FAM135B: variants seen among roughly 807,000 people sequenced by gnomAD.
FAM135B encodes the protein family with sequence similarity 135 member B.
A neutral mutation model predicts 127.7 loss-of-function variants in FAM135B; 43 were observed. The ratio of observed to expected loss-of-function variants is 0.34; its 90% CI spans 0.26 to 0.43. The LOEUF (loss-of-function observed/expected upper bound fraction) is 0.43. Among genes scored for constraint, FAM135B ranks in the 20% least tolerant of loss-of-function variants. The probability of loss-of-function intolerance (pLI) is 1.00; values close to 1 mark genes in which losing one functional copy is unlikely to be tolerated. For missense variants in FAM135B, 1,558 were observed against 1,725.6 expected, an observed-to-expected ratio of 0.90 and a Z score of 1.72; for synonymous variants, 670 against 665.1, an observed-to-expected ratio of 1.01 and a Z score of -0.11.
chr8:138,154,177 A>G (rs1818464294), intron 12 of FAM135B, among the ~76,000 whole-genome samples: 1 of 152,192 alleles, frequency 6.6e-6, no homozygotes, highest in Admixed American at 6.5e-5. Flanking sequence ...GGCAAACAGG[A>G]TCTGGAGTGG....
At chr8:138,236,642 A>C (rs1820297775) in intron 7 of FAM135B, among the ~76,000 whole-genome samples, 1 of 152,222 alleles carries the variant, frequency 6.6e-6, no homozygotes, top group South Asian at 2.1e-4. Context: ...CTTCATTTGT[A>C]AAAGGAAGTA....
At chr8:138,268,909 T>G (rs1823157263) in intron 3 of FAM135B, among the ~76,000 whole-genome samples, 1 of 152,108 alleles carries the variant, frequency 6.6e-6, no homozygotes, top group Admixed American at 6.6e-5. Context: ...TCAGCCTTGG[T>G]ACCACGCATA....
At chr8:138,231,274 A>G (rs1030097766) in intron 7 of FAM135B, among the ~76,000 whole-genome samples, 3 of 151,834 alleles carry the variant, frequency 2.0e-5, no homozygotes, top group East Asian at 1.9e-4. Flanking sequence ...GCCTACCTCA[A>G]CCTCCCAAAG....
chr8:138,138,271 G>C (rs1158910875), intron 18 of FAM135B, among the ~76,000 whole-genome samples: 1 of 152,206 alleles, frequency 6.6e-6, no homozygotes, highest in Non-Finnish European at 1.5e-5. Flanking sequence ...ACTCAGCCAG[G>C]CTCACAGATG....
chr8:138,480,975 G>GTTT (rs1369827053), intron 1 of FAM135B, among the ~76,000 whole-genome samples: 1 of 152,208 alleles, frequency 6.6e-6, no homozygotes, highest in Non-Finnish European at 1.5e-5. Context: ...GAAAACCCTT[G>GTTT]TCTGTTGAAT....
At position 138,132,855 on chromosome 8, in the gene FAM135B, G is replaced by C. The variant is rs2130492572; in HGVS notation, c.4016-57C>G. On this transcript the variant is annotated intron_variant, in intron 19 of 19. Transcript: ENST00000395297. This position sits in a 1 kb window ranked among gnomAD's most constrained non-coding sequence, Gnocchi z 4.5. ...GTGCAGAAATTAGCAGTGGAATCTA[G>C]AGAACATCACTAGATGTGTGTCGAA... The C allele has an allele frequency of 1.3e-6, 2 of 1,510,394 alleles. No homozygotes were observed. The highest frequency in any genetic ancestry group is 9.2e-7 in the Non-Finnish European group (1 of 1,087,358). The allele number at this position is 1,510,394 out of a possible 1,614,324, so 93.6% of individuals were successfully genotyped here.
chr8:138,155,786 A>G (rs1266723697), intron 12 of FAM135B, among the ~76,000 whole-genome samples: 1 of 152,200 alleles, frequency 6.6e-6, no homozygotes, highest in East Asian at 1.9e-4. Context: ...GAGCACCCAG[A>G]TTCATAAAGC....
intron 2 of FAM135B, among the ~76,000 whole-genome samples, chr8:138,333,735 A>C (rs983892729): frequency 5.3e-5 from 8 of 152,202 alleles, no homozygotes; most frequent in Admixed American, 3.9e-4. Flanking sequence ...ATAAGATATT[A>C]ATTAACAATT....
At chr8:138,390,414 G>GC (rs1204358894) in intron 1 of FAM135B, among the ~76,000 whole-genome samples, 1 of 152,072 alleles carries the variant, frequency 6.6e-6, no homozygotes, top group African/African-American at 2.4e-5. Flanking sequence ...TGTAAGATGT[G>GC]CCTTTTGCCT....
rs186923774 is a variant in FAM135B, at chr8:138,167,935, C to T, written c.1218G>A (p.Pro406=). 86 of 1,613,758 alleles carry T rather than the reference C, an allele frequency of 5.3e-5. No individual in the cohort carries two copies. In the Middle Eastern group the frequency reaches 6.6e-4, roughly 12 times the overall value. Residue 406 remains proline (P), a synonymous_variant, in exon 12 of 20, where the codon CCG becomes CCA. Transcript: ENST00000395297. ...LDIDGDWNTL[P]VIFEDRYVDC... is the part of the protein sequence containing the mutation. ...CCACGTATCTGTCCTCAAAGATCAC[C>T]GGCAGGGTGTTCCAATCGCCGTCGA...
chr8:138,390,415 C>T (rs779347848), intron 1 of FAM135B, among the ~76,000 whole-genome samples: 11 of 152,084 alleles, frequency 7.2e-5, no homozygotes, highest in Non-Finnish European at 1.2e-4. Context: ...GTAAGATGTG[C>T]CTTTTGCCTT....
chr8:138,238,602 A>G (rs1820486951), intron 7 of FAM135B, among the ~76,000 whole-genome samples: 1 of 152,206 alleles, frequency 6.6e-6, no homozygotes, highest in South Asian at 2.1e-4. Context: ...TATTGCTATG[A>G]AAGTCCAGTT....
At chr8:138,188,825 T>G (rs1036306576) in intron 9 of FAM135B, among the ~76,000 whole-genome samples, 2 of 152,048 alleles carry the variant, frequency 1.3e-5, no homozygotes, top group Admixed American at 1.3e-4. Flanking sequence ...CAACCTAGCC[T>G]CCTCTCTCAG....
intron 1 of FAM135B, among the ~76,000 whole-genome samples, chr8:138,380,368 T>C (rs1458959807): frequency 2.0e-5 from 3 of 152,066 alleles, no homozygotes; most frequent in South Asian, 2.1e-4. Flanking sequence ...GGCTAGTTTT[T>C]ATATTAGTGG....
intron 1 of FAM135B, among the ~76,000 whole-genome samples, chr8:138,375,258 T>G (rs933545685): frequency 6.6e-6 from 1 of 151,980 alleles, no homozygotes; most frequent in Non-Finnish European, 1.5e-5. Context: ...GCTGATTGTT[T>G]TGTCAAAAAT....
At chr8:138,380,076 T>C (rs1450621240) in intron 1 of FAM135B, among the ~76,000 whole-genome samples, 2 of 152,228 alleles carry the variant, frequency 1.3e-5, no homozygotes, top group Non-Finnish European at 2.9e-5. Flanking sequence ...CCAATTCAAG[T>C]TGAATCACAT....
chr8:138,145,853 G>T, intron 15 of FAM135B, 106 bp downstream of exon 15: 2 of 628,158 alleles, frequency 3.2e-6, no homozygotes, highest in South Asian at 2.2e-5. Flanking sequence ...TCTTTTCAAG[G>T]TCTCCTCCTA....
intron 3 of FAM135B, among the ~76,000 whole-genome samples, chr8:138,285,561 AG>A (rs1180717171): frequency 6.6e-6 from 1 of 152,186 alleles, no homozygotes; most frequent in Non-Finnish European, 1.5e-5. Flanking sequence ...CAAAAAATCT[AG>A]CACAGTGCCC....
At position 138,317,679 on chromosome 8, in the gene FAM135B, A is replaced by T. The variant is rs188263013; in HGVS notation, c.78-6759T>A. Among the ~76,000 whole-genome samples, 6 of 152,366 alleles carry T rather than the reference A, an allele frequency of 3.9e-5. No homozygotes were observed. The East Asian group carries it at 9.6e-4, about 24-fold the overall frequency. ...TTGGAAAGGATAAGGCTCCATACCA[A>T]CTGGAGAAAACGCAAACGCCTACAG... On this transcript the variant is annotated intron_variant, in intron 2 of 19. Transcript: ENST00000395297.
Sources: gnomAD v4.1 joint callset for allele counts (sites outside exome capture counted in the v4.1 genomes callset) on GRCh38, gnomAD v4.1.1 for gene constraint, Gnocchi (gnomAD v3.1) non-coding constraint, MANE v1.5 for transcripts, NCBI Gene and HGNC (gene_info 2026-07-23, HGNC 2026-07-21) for gene names.